Variants in STARD13 observed in about 807,000 individuals in gnomAD.
STARD13 encodes stAR-related lipid transfer protein 13.
A neutral mutation model predicts 106.4 loss-of-function variants in STARD13; 62 were observed. That is an observed-to-expected ratio of 0.58 (90% CI 0.48 to 0.72). The LOEUF is 0.72. Among genes scored for constraint, STARD13 ranks in the 30% least tolerant of loss-of-function variants. The pLI, the probability that STARD13 is intolerant of heterozygous loss-of-function variation, is 0.00. For missense variants in STARD13, 1,387 were observed against 1,424.0 expected (o/e 0.97, Z 0.42); for synonymous variants, 565 against 553.0 (o/e 1.02, Z -0.31).
chr13:33,310,197 T>C (rs1411222600), intron 1 of STARD13, among the ~76,000 whole-genome samples: 1 of 152,184 alleles, frequency 6.6e-6, no homozygotes. Flanking sequence ...CCTGGATGCA[T>C]TGATGGCCCT....
chr13:33,486,599 T>C, the STARD13 span, among the ~76,000 whole-genome samples: 1 of 152,234 alleles, frequency 6.6e-6, no homozygotes. Context: ...TGGGCACTAC[T>C]GTCCTCTTTC....
At chr13:33,619,715 T>G in the STARD13 span, among the ~76,000 whole-genome samples, 1 of 152,142 alleles carries the variant, frequency 6.6e-6, no homozygotes, top group Non-Finnish European at 1.5e-5. Flanking sequence ...AATGTAAAAC[T>G]AATCAATAAG....
chr13:33,385,216 G>GGAATAT, the STARD13 span, among the ~76,000 whole-genome samples: 4 of 21,694 alleles, frequency 1.8e-4, no homozygotes, highest in African/African-American at 5.2e-4. Flanking sequence ...AGAAAGGTTC[G>GGAATAT]GAATATATAT....
At chr13:33,514,697 G>A in the STARD13 span, among the ~76,000 whole-genome samples, 1 of 152,104 alleles carries the variant, frequency 6.6e-6, no homozygotes, top group Non-Finnish European at 1.5e-5. Context: ...GCAAAACACA[G>A]GGGCAGCATC....
chr13:33,259,852 C>T (rs576534591), intron 1 of STARD13, among the ~76,000 whole-genome samples: 1 of 152,078 alleles, frequency 6.6e-6, no homozygotes, highest in African/African-American at 2.4e-5. Flanking sequence ...ACTGTAGCTC[C>T]TATAATTCCC....
chr13:33,173,299 TA>T (rs1361664431), intron 1 of STARD13, among the ~76,000 whole-genome samples: 2 of 152,230 alleles, frequency 1.3e-5, no homozygotes, highest in Non-Finnish European at 2.9e-5. Context: ...AGTCCGTATT[TA>T]TTGAAGGTGT....
At chr13:33,471,705 G>A in the STARD13 span, among the ~76,000 whole-genome samples, 1 of 149,368 alleles carries the variant, frequency 6.7e-6, no homozygotes, top group Admixed American at 6.7e-5. Context: ...CATCTGCAAT[G>A]CAGACAAACA....
chr13:33,463,866 G>A, the STARD13 span, among the ~76,000 whole-genome samples: 1 of 151,892 alleles, frequency 6.6e-6, no homozygotes, highest in Non-Finnish European at 1.5e-5. Context: ...GCAAAAATTA[G>A]CCAGGCATGG....
chr13:33,654,406 T>C, the STARD13 span, among the ~76,000 whole-genome samples: 2 of 152,048 alleles, frequency 1.3e-5, no homozygotes, highest in Non-Finnish European at 2.9e-5. Flanking sequence ...ATATGAAATG[T>C]GCAAAATAGG....
chr13:33,331,440 C>T (rs2077834949), intron 1 of STARD13, among the ~76,000 whole-genome samples: 1 of 152,048 alleles, frequency 6.6e-6, no homozygotes, highest in Non-Finnish European at 1.5e-5. Flanking sequence ...GCAATCCCTG[C>T]CTCCCAGGTT....
chr13:33,406,112 A>G, the STARD13 span, among the ~76,000 whole-genome samples: 1 of 152,210 alleles, frequency 6.6e-6, no homozygotes, highest in Non-Finnish European at 1.5e-5. Context: ...TAGCAAGAGG[A>G]CGAACCCAAA....
chr13:33,385,989 G>A, the STARD13 span, among the ~76,000 whole-genome samples: 10 of 151,948 alleles, frequency 6.6e-5, no homozygotes, highest in East Asian at 5.8e-4. Context: ...CCTTGCTTGC[G>A]TTTATTCATT....
chr13:33,260,036 T>G (rs564533247), intron 1 of STARD13, among the ~76,000 whole-genome samples: 164 of 150,234 alleles, frequency 1.1e-3, no homozygotes, highest in African/African-American at 3.8e-3. Context: ...AGTTAAAATA[T>G]CTCCTATAAT....
chr13:33,384,213 A>G, the STARD13 span, among the ~76,000 whole-genome samples: 1 of 152,232 alleles, frequency 6.6e-6, no homozygotes. Flanking sequence ...TTTGAATCTA[A>G]CAACCAATAA....
At chr13:33,565,631 A>G in the STARD13 span, among the ~76,000 whole-genome samples, 5 of 148,184 alleles carry the variant, frequency 3.4e-5, no homozygotes, top group South Asian at 2.2e-4. Context: ...CTTCTAATCC[A>G]TAAGTTGAGA....
chr13:33,457,345 C>T, the STARD13 span, among the ~76,000 whole-genome samples: 1 of 152,214 alleles, frequency 6.6e-6, no homozygotes, highest in Non-Finnish European at 1.5e-5. Flanking sequence ...TCAGTGGCAT[C>T]ACTGATATTC....
chr13:33,341,001 A>G (rs1278839199), intron 1 of STARD13, among the ~76,000 whole-genome samples: 2 of 152,200 alleles, frequency 1.3e-5, no homozygotes, highest in African/African-American at 4.8e-5. Context: ...CTAACTACAA[A>G]CGTGACAAAA....
chr13:33,622,647 C>A, the STARD13 span, among the ~76,000 whole-genome samples: 1 of 105,238 alleles, frequency 9.5e-6, no homozygotes, highest in Non-Finnish European at 1.9e-5. Flanking sequence ...AAAGGCTGGG[C>A]GTGGTGGCTC....
chr13:33,338,139 A>G (rs1218880571), intron 1 of STARD13, among the ~76,000 whole-genome samples: 1 of 152,200 alleles, frequency 6.6e-6, no homozygotes, highest in Non-Finnish European at 1.5e-5. Flanking sequence ...TAAGTAGCCA[A>G]AGCTTCATGG....
Sources: gnomAD v4.1 joint callset for allele counts (sites outside exome capture counted in the v4.1 genomes callset) on GRCh38, gnomAD v4.1.1 for gene constraint, MANE v1.5 for transcripts, NCBI Gene and HGNC (gene_info 2026-07-23, HGNC 2026-07-21) for gene names.